Variants in RPS24 observed in about 807,000 individuals in gnomAD.
RPS24 encodes the protein small ribosomal subunit protein eS24.
For missense variants in RPS24, 100 were observed against 162.5 expected, an observed-to-expected ratio of 0.62 and a Z score of 2.09; for synonymous variants, 72 against 55.6, an observed-to-expected ratio of 1.30 and a Z score of -1.31.
rs563273507 is a variant in RPS24 at position 78,053,189 on chromosome 10, A to C, written c.391-1342A>C. ...ACAAAAACAACAACAACAACAACAA[A>C]AAAAAAAAAAGAAAAGAAAAAAACC... On this transcript the variant is annotated intron_variant, in intron 4 of 4. Coordinates refer to the RPS24 transcript ENST00000440692. Among the ~76,000 whole-genome samples, 244 of 150,656 alleles carry C rather than the reference A, an allele frequency of 1.6e-3. 1 individual carries two copies. The East Asian group carries it at 0.017, about 10-fold the overall frequency.
intron 4 of RPS24, chr10:78,038,126 A>G (rs1847916385): frequency 5.4e-6 from 2 of 369,830 alleles, no homozygotes; most frequent in Non-Finnish European, 9.9e-6. Context: ...TGCAAAAGTA[A>G]TTGCAGTGGC....
chr10:78,052,273 G>T (rs913809055), intron 4 of RPS24, among the ~76,000 whole-genome samples: 2 of 152,198 alleles, frequency 1.3e-5, no homozygotes, highest in African/African-American at 4.8e-5. Flanking sequence ...TGATCCACCT[G>T]CCTAGGCCTC....
chr10:78,038,554 T>G (rs575103002), intron 4 of RPS24: 2 of 151,076 alleles, frequency 1.3e-5, no homozygotes, highest in African/African-American at 4.9e-5. Context: ...TTTTTTTTTT[T>G]AAAATAGAAA....
At chr10:78,035,884 G>T in intron 3 of RPS24, 164 bp downstream of exon 3, 1 of 664,522 alleles carries the variant, frequency 1.5e-6, no homozygotes, top group Non-Finnish European at 2.6e-6. Flanking sequence ...GAGTACGGGG[G>T]TTCAAAATTG....
At chr10:78,050,601 C>T (rs1049066120) in intron 4 of RPS24, among the ~76,000 whole-genome samples, 1 of 152,170 alleles carries the variant, frequency 6.6e-6, no homozygotes, top group Non-Finnish European at 1.5e-5. Context: ...CAACCACCAC[C>T]ACCACCTAAT....
chr10:78,056,729 G>A (rs1257517034), exon 5 of RPS24: 1 of 152,252 alleles, frequency 6.6e-6, no homozygotes, highest in East Asian at 1.9e-4. Context: ...GAAACAGCCA[G>A]AGTCTTGCTC....
chr10:78,042,310 C>T (rs559647252), downstream of RPS24, among the ~76,000 whole-genome samples: 5 of 152,344 alleles, frequency 3.3e-5, no homozygotes, highest in East Asian at 9.7e-4. Flanking sequence ...GCTTCTCTTC[C>T]ATCTAGTCCA....
intron 4 of RPS24, chr10:78,038,693 C>G (rs969287459): frequency 6.6e-6 from 1 of 152,282 alleles, no homozygotes; most frequent in East Asian, 1.9e-4. Flanking sequence ...GTCACCCAGG[C>G]TGGAGTACAG....
At chr10:78,035,808 C>T (rs1847853744) in intron 3 of RPS24, 88 bp downstream of exon 3, 2 of 1,043,386 alleles carry the variant, frequency 1.9e-6, no homozygotes, top group East Asian at 2.4e-5. Flanking sequence ...AGGGCAAGAC[C>T]AAGCAATCTG....
At chr10:78,045,484 C>CT (rs1564631749), downstream of RPS24, among the ~76,000 whole-genome samples, 1 of 151,746 alleles carries the variant, frequency 6.6e-6, no homozygotes, top group African/African-American at 2.4e-5. Context: ...TGGGGGCTTT[C>CT]TTTTTTTCTT....
downstream of RPS24, among the ~76,000 whole-genome samples, chr10:78,042,456 A>C (rs1465957238): frequency 1.3e-5 from 2 of 152,170 alleles, no homozygotes; most frequent in Non-Finnish European, 2.9e-5. Flanking sequence ...CAACTGTGAA[A>C]ACAGTTTGGA....
At chr10:78,035,743 A>G (rs1016774996) in intron 3 of RPS24, 23 bp downstream of exon 3, 9 of 1,582,530 alleles carry the variant, frequency 5.7e-6, no homozygotes, top group Non-Finnish European at 7.7e-6. Flanking sequence ...TCATTTGTTG[A>G]TCAGCTCCTG....
At chr10:78,044,397 G>C (rs1353373247), downstream of RPS24, among the ~76,000 whole-genome samples, 1 of 152,188 alleles carries the variant, frequency 6.6e-6, no homozygotes, top group African/African-American at 2.4e-5. Context: ...GCATTCTCTT[G>C]AATCAACAAG....
At chr10:78,041,358 G>A (rs1045211768), downstream of RPS24, among the ~76,000 whole-genome samples, 1 of 152,246 alleles carries the variant, frequency 6.6e-6, no homozygotes. Context: ...GAAGAGTTAA[G>A]TCATGGGGCT....
chr10:78,054,519 C>T, intron 4 of RPS24: 1 of 1,523,838 alleles, frequency 6.6e-7, no homozygotes, highest in Non-Finnish European at 8.8e-7. Flanking sequence ...TCTCTCCTTC[C>T]CGCTTTTGCA....
chr10:78,048,630 A>G (rs947393917), intron 4 of RPS24, among the ~76,000 whole-genome samples: 2 of 151,912 alleles, frequency 1.3e-5, no homozygotes, highest in African/African-American at 4.8e-5. Context: ...GCCTGTAATC[A>G]CGTTGGGAGG....
chr10:78,035,823 A>C, intron 3 of RPS24, 103 bp downstream of exon 3: 1 of 925,490 alleles, frequency 1.1e-6, no homozygotes, highest in African/African-American at 1.6e-5. Flanking sequence ...AATCTGGGAT[A>C]CAACTCTGAA....
downstream of RPS24, chr10:78,040,797 C>T: frequency 1.2e-6 from 1 of 851,560 alleles, no homozygotes; most frequent in Non-Finnish European, 1.9e-6. Context: ...CTCCATGAAG[C>T]ATTCAGTGAA....
chr10:78,044,601 C>T (rs576575253), downstream of RPS24, among the ~76,000 whole-genome samples: 13 of 151,934 alleles, frequency 8.6e-5, no homozygotes, highest in African/African-American at 2.9e-4. Context: ...ATACATTAAT[C>T]CAACTGTCCT....
Sources: allele counts gnomAD v4.1 joint callset (sites outside exome capture counted in the v4.1 genomes callset), GRCh38; gene constraint gnomAD v4.1.1; transcripts MANE v1.5; gene names NCBI Gene and HGNC (gene_info 2026-07-23, HGNC 2026-07-21).